Variants in DIPK2A observed in about 807,000 individuals in gnomAD.
DIPK2A encodes the protein divergent protein kinase domain 2A.
Under a neutral mutation model 39.0 loss-of-function variants are expected in DIPK2A, and 27 were observed. That is an observed-to-expected ratio of 0.69 (90% CI 0.51 to 0.96). DIPK2A has a LOEUF of 0.96. DIPK2A is among the 40% of genes least tolerant of loss of function. The probability of loss-of-function intolerance (pLI) is 0.00; values close to 1 mark genes in which losing one functional copy is unlikely to be tolerated. For synonymous variants in DIPK2A, 298 were observed against 240.8 expected (o/e 1.24, Z -2.20); for missense variants, 528 against 571.3 (o/e 0.92, Z 0.77).
chr3:143,976,531 A>AGTGT (rs34741607), intron 1 of DIPK2A, among the ~76,000 whole-genome samples: 8,198 of 142,542 alleles, frequency 0.058, 681 homozygotes, highest in African/African-American at 0.19. Context: ...AGAAAGGGAG[A>AGTGT]GTGTGTGTGT....
intron 1 of DIPK2A, among the ~76,000 whole-genome samples, chr3:143,978,272 A>T (rs2087758721): frequency 6.6e-6 from 1 of 151,992 alleles, no homozygotes; most frequent in Non-Finnish European, 1.5e-5. Flanking sequence ...TGGCCTTATA[A>T]TTTAAATCCT....
intron 1 of DIPK2A, among the ~76,000 whole-genome samples, chr3:143,977,242 C>T (rs900718090): frequency 2.6e-5 from 4 of 152,070 alleles, no homozygotes; most frequent in Admixed American, 1.3e-4. Context: ...TCACTTCCTT[C>T]TTTATAAAAT....
At chr3:143,976,555 TGAGAGAGA>T (rs1186765697) in intron 1 of DIPK2A, among the ~76,000 whole-genome samples, 1 of 118,046 alleles carries the variant, frequency 8.5e-6, no homozygotes, top group Non-Finnish European at 1.6e-5. Context: ...TGTGTGTGTG[TGAGAGAGA>T]GAGAGAGAGA....
intron 1 of DIPK2A, among the ~76,000 whole-genome samples, chr3:143,977,607 A>G (rs552945424): frequency 1.3e-5 from 2 of 152,216 alleles, no homozygotes; most frequent in South Asian, 4.1e-4. Flanking sequence ...GGAACCACCT[A>G]CTTCTCCTTT....
chr3:143,980,568 C>T (rs930528569), intron 1 of DIPK2A, among the ~76,000 whole-genome samples: 1 of 152,002 alleles, frequency 6.6e-6, no homozygotes, highest in African/African-American at 2.4e-5. Flanking sequence ...GCGCCTGGCC[C>T]CTTTAAGCAT....
At chr3:143,981,334 A>T (rs543481801) in intron 1 of DIPK2A, among the ~76,000 whole-genome samples, 3 of 152,222 alleles carry the variant, frequency 2.0e-5, no homozygotes, top group Admixed American at 6.5e-5. Context: ...GTTTGATTCT[A>T]TAAGTCCCAA....
chr3:143,978,616 CTATATCTATATATATATATATATCT>C (rs2087768071), intron 1 of DIPK2A: 9 of 126,124 alleles, frequency 7.1e-5, no homozygotes, highest in Admixed American at 3.3e-4. Context: ...ATATATATAT[CTATATCTATATATATATATATATCT>C]ATATATATAT....
Position 143,990,880 on chromosome 3 carries a change from T to A in DIPK2A, c.*1039T>A, listed in dbSNP as rs748335030. On this transcript the variant is annotated 3_prime_UTR_variant, in exon 3 of 3. Coordinates refer to ENST00000315691, the MANE Select transcript of DIPK2A (RefSeq NM_173552.5). ...CCTGATTATTTTTTCTGTTGAAAGTTAAACTACTGCTTTCAAGTAATTTAA... is the reference window on the plus strand; with the variant it reads ...CCTGATTATTTTTTCTGTTGAAAGTAAAACTACTGCTTTCAAGTAATTTAA... The A allele has an allele frequency of 6.6e-6, 1 of 152,626 alleles. No individual in the cohort carries two copies. Among genetic ancestry groups the A allele is most frequent in the Non-Finnish European group, 1.5e-5 (1 of 68,014 alleles). 9.5% of individuals were successfully genotyped at this position (152,626 alleles called of 1,614,324 possible). A position where few individuals can be genotyped will look rare whatever the true frequency, so the allele number is the denominator to read the frequency against.
At chr3:143,980,814 A>G (rs935439046) in intron 1 of DIPK2A, among the ~76,000 whole-genome samples, 1 of 152,144 alleles carries the variant, frequency 6.6e-6, no homozygotes, top group Non-Finnish European at 1.5e-5. Context: ...TCTTAAGGCA[A>G]ACTGCAAAGC....
intron 2 of DIPK2A, among the ~76,000 whole-genome samples, chr3:143,987,256 T>A (rs1214627453): frequency 6.6e-6 from 1 of 152,220 alleles, no homozygotes; most frequent in Non-Finnish European, 1.5e-5. Context: ...TGTGCAATTT[T>A]CCTAAGCTTA....
At position 143,973,366 on chromosome 3, in the gene DIPK2A, T is replaced by C. The variant is rs1015844798; in HGVS notation, c.657+377T>C. 11 of 1,546,350 alleles carry C rather than the reference T, an allele frequency of 7.1e-6. No individual in the cohort carries two copies. In the Admixed American group the frequency reaches 2.2e-4, roughly 30 times the overall value. ...GCTTGCAGGTCCGCGGCGCAGACTG[T>C]TCACGAGCCCTTGGACCTTTCCTAG... On this transcript the variant is annotated intron_variant, in intron 1 of 2. Coordinates refer to ENST00000315691, the MANE Select transcript of DIPK2A (RefSeq NM_173552.5).
Position 143,978,239 on chromosome 3 carries a change from C to G in DIPK2A, c.657+5250C>G, listed in dbSNP as rs79030043. Among the ~76,000 whole-genome samples, 1,512 of 152,094 alleles carry G rather than the reference C, an allele frequency of 9.9e-3. 25 individuals are homozygous for G. Among genetic ancestry groups the G allele is most frequent in the African/African-American group, 0.035 (1,438 of 41,512 alleles). On this transcript the variant is annotated intron_variant, in intron 1 of 2. Transcript: ENST00000315691. ...TATTTTTTTCTTTCTTCAGCTTTCA[C>G]TCATTACCCATATGTTAAATTATGG...
chr3:143,973,081 A>G (rs1320812227), intron 1 of DIPK2A, 92 bp downstream of exon 1: 18 of 1,455,092 alleles, frequency 1.2e-5, no homozygotes, highest in Non-Finnish European at 1.7e-5. Flanking sequence ...GCTTGCCGCC[A>G]GTTCGGACTC....
At chr3:143,980,950 A>G (rs1311600126) in intron 1 of DIPK2A, among the ~76,000 whole-genome samples, 1 of 152,232 alleles carries the variant, frequency 6.6e-6, no homozygotes, top group Non-Finnish European at 1.5e-5. Flanking sequence ...AGAAAAAAGA[A>G]TACAAGCACT....
At chr3:143,982,591 T>C (rs2087841718) in intron 1 of DIPK2A, among the ~76,000 whole-genome samples, 1 of 152,084 alleles carries the variant, frequency 6.6e-6, no homozygotes, top group African/African-American at 2.4e-5. Flanking sequence ...CAAGACCTCC[T>C]GAAGGAAGCC....
At chr3:143,980,908 A>C (rs893050) in intron 1 of DIPK2A, among the ~76,000 whole-genome samples, 1,948 of 152,290 alleles carry the variant, frequency 0.013, 26 homozygotes, top group Non-Finnish European at 0.019. Context: ...TGATCTTTTA[A>C]ATTTAGTATA....
intron 2 of DIPK2A, 147 bp from the exon 3 acceptor site, chr3:143,989,363 T>A (rs1005784434): frequency 1.7e-5 from 10 of 592,350 alleles, no homozygotes; most frequent in Non-Finnish European, 2.6e-5. Context: ...TTGTATGAAT[T>A]TATATATTTA....
In DIPK2A at chr3:143,973,056, A is replaced by G; in HGVS notation, c.657+67A>G. 5 of 1,507,246 alleles carry G rather than the reference A, an allele frequency of 3.3e-6. No individual in the cohort carries two copies. The South Asian group carries it at 6.1e-5, about 18-fold the overall frequency. 93.4% of individuals were successfully genotyped at this position (1,507,246 alleles called of 1,614,324 possible). ...GCGCGTGGGAATCAGAGTCGGGAGAAGTGGCTCAGCCAGCGCTTGCCGCCA... is the reference window on the plus strand; with the variant it reads ...GCGCGTGGGAATCAGAGTCGGGAGAGGTGGCTCAGCCAGCGCTTGCCGCCA... On this transcript the variant is annotated intron_variant, in intron 1 of 2. Transcript: ENST00000315691.
In DIPK2A at chr3:143,972,552, T is replaced by G. The variant is rs2087667948; in HGVS notation, c.220T>G (p.Phe74Val). 6.2e-7 allele frequency: 1 copy of G among 1,612,260 alleles called. No individual in the cohort carries two copies. ...CRRFLNGQVV[F>V]EAWGRLRLLD... The stretch of plus-strand genomic sequence containing the variant: ...CCGCTTCCTCAACGGGCAGGTGGTA[T>G]TCGAGGCGTGGGGCCGCTTGCGCCT... Residue 74 changes from phenylalanine to valine, a missense_variant, in exon 1 of 3, where the codon TTC (phenylalanine) becomes GTC (valine). By Grantham distance (50) the Phe-to-Val change is conservative. Around this residue, in one of 2 missense-constraint regions of DIPK2A, gnomAD observed 309 missense variants for 289.8 expected, o/e 1.07. Coordinates refer to ENST00000315691, the MANE Select transcript of DIPK2A (RefSeq NM_173552.5).
Sources: allele counts gnomAD v4.1 joint callset (sites outside exome capture counted in the v4.1 genomes callset), GRCh38; gene constraint gnomAD v4.1.1; regional missense constraint gnomAD v4.1.1; transcripts MANE v1.5; gene names NCBI Gene and HGNC (gene_info 2026-07-23, HGNC 2026-07-21).